The following KCNH1 variants were observed in gnomAD, a reference collection of about 807,000 sequenced individuals.
KCNH1 encodes the protein potassium voltage-gated channel subfamily H member 1, also known as voltage-gated delayed rectifier potassium channel KCNH1.
A neutral mutation model predicts 69.2 loss-of-function variants in KCNH1; 27 were observed. The observed-to-expected ratio is 0.39, with a 90% confidence interval of 0.29 to 0.54. The LOEUF (loss-of-function observed/expected upper bound fraction) is 0.54, where lower values mean the gene tolerates loss of function less well. Among genes scored for constraint, KCNH1 ranks in the 20% least tolerant of loss-of-function variants. KCNH1 has a pLI of 0.68. For missense variants in KCNH1, 798 were observed against 1,261.6 expected (o/e 0.63, Z 5.57); for synonymous variants, 456 against 487.7 (o/e 0.93, Z 0.86).
At chr1:210,746,528 A>G (rs79364117) in intron 10 of KCNH1, among the ~76,000 whole-genome samples, 1 of 151,752 alleles carries the variant, frequency 6.6e-6, no homozygotes, top group East Asian at 1.9e-4. Flanking sequence ...GGGCTGCAAT[A>G]CACAGACTAT....
chr1:210,712,522 C>T (rs1459981606), intron 10 of KCNH1, among the ~76,000 whole-genome samples: 2 of 152,166 alleles, frequency 1.3e-5, no homozygotes, highest in Admixed American at 6.5e-5. Flanking sequence ...CTTCCTGGCC[C>T]AGAATCTGTT....
intron 9 of KCNH1, among the ~76,000 whole-genome samples, chr1:210,796,620 C>A (rs1262849586): frequency 6.6e-6 from 1 of 152,170 alleles, no homozygotes; most frequent in East Asian, 1.9e-4. Context: ...TCCCTGTTAT[C>A]CATGTGAGAA....
intron 6 of KCNH1, among the ~76,000 whole-genome samples, chr1:210,956,069 T>C (rs1232292736): frequency 6.6e-6 from 1 of 152,206 alleles, no homozygotes; most frequent in African/African-American, 2.4e-5. Context: ...TATTTTGAGA[T>C]ACGTCCCATC....
intron 4 of KCNH1, among the ~76,000 whole-genome samples, chr1:211,085,300 T>C (rs577769666): frequency 6.7e-6 from 1 of 148,536 alleles, no homozygotes; most frequent in South Asian, 2.2e-4. Context: ...GCTAAAGAGG[T>C]TGGTAGGGGC....
At chr1:210,796,966 G>C (rs536709829) in intron 9 of KCNH1, among the ~76,000 whole-genome samples, 2 of 152,106 alleles carry the variant, frequency 1.3e-5, no homozygotes, top group East Asian at 3.9e-4. Flanking sequence ...AGCCTGCCAC[G>C]ATCTGCCTAG....
At chr1:211,022,655 G>C (rs554046189) in intron 5 of KCNH1, among the ~76,000 whole-genome samples, 15 of 152,184 alleles carry the variant, frequency 9.9e-5, no homozygotes, top group Non-Finnish European at 1.6e-4. Context: ...TAAAAATGAG[G>C]AAGTAATCTG....
At chr1:211,025,704 G>A (rs772403904) in intron 5 of KCNH1, among the ~76,000 whole-genome samples, 6 of 152,074 alleles carry the variant, frequency 3.9e-5, no homozygotes, top group South Asian at 2.1e-4. Context: ...ATCTAAGCCC[G>A]GGGCATAAAA....
intron 6 of KCNH1, among the ~76,000 whole-genome samples, chr1:210,955,421 T>A (rs1485892289): frequency 6.6e-6 from 1 of 152,218 alleles, no homozygotes; most frequent in African/African-American, 2.4e-5. Context: ...TAAAGTAGTT[T>A]TTTCCAATTC....
chr1:210,785,007 T>C (rs945996783), intron 9 of KCNH1, among the ~76,000 whole-genome samples: 2 of 152,038 alleles, frequency 1.3e-5, no homozygotes, highest in Admixed American at 1.3e-4. Flanking sequence ...AGAATTCCAG[T>C]GATTCAGGGG....
chr1:210,953,921 C>T (rs939785112), intron 6 of KCNH1, among the ~76,000 whole-genome samples: 3 of 152,036 alleles, frequency 2.0e-5, no homozygotes, highest in Non-Finnish European at 4.4e-5. Flanking sequence ...ATTATACTTT[C>T]GGTTCTAGGG....
At chr1:210,744,954 G>C (rs1683115322) in intron 10 of KCNH1, among the ~76,000 whole-genome samples, 1 of 152,188 alleles carries the variant, frequency 6.6e-6, no homozygotes, top group African/African-American at 2.4e-5. Context: ...TGTAATCCCA[G>C]CACTTTGGGA....
chr1:210,693,843 C>T (rs1022239330), intron 10 of KCNH1, among the ~76,000 whole-genome samples: 5 of 152,148 alleles, frequency 3.3e-5, no homozygotes, highest in African/African-American at 9.7e-5. Context: ...CCCTGGGAGA[C>T]GCATGCTAAC....
At chr1:210,955,642 G>A (rs181288808) in intron 6 of KCNH1, among the ~76,000 whole-genome samples, 13 of 152,178 alleles carry the variant, frequency 8.5e-5, no homozygotes, top group Admixed American at 1.3e-4. Flanking sequence ...GGATTCCTAG[G>A]TATTTTATTC....
rs1467357266 is a variant in KCNH1, at chr1:211,099,783, G to A, written c.310+3713C>T. Among the ~76,000 whole-genome samples, 4 of 152,110 alleles carry A rather than the reference G, an allele frequency of 2.6e-5. No homozygotes were observed. The East Asian group carries it at 5.8e-4, about 22-fold the overall frequency. On this transcript the variant is annotated intron_variant, in intron 3 of 10. Transcript: ENST00000271751. ...TAAATGATGAGTTCCTGACTGGAACGCAGGGCTTCCTACTTCCTGGGCTCT... is the reference window on the plus strand; with the variant it reads ...TAAATGATGAGTTCCTGACTGGAACACAGGGCTTCCTACTTCCTGGGCTCT...
chr1:210,953,012 T>C (rs1029710950), intron 6 of KCNH1, among the ~76,000 whole-genome samples: 1 of 152,206 alleles, frequency 6.6e-6, no homozygotes, highest in Non-Finnish European at 1.5e-5. Context: ...TTCCAACTTT[T>C]CATACTCAAT....
intron 7 of KCNH1, chr1:210,860,356 G>C: frequency 6.9e-7 from 1 of 1,443,068 alleles, no homozygotes; most frequent in Non-Finnish European, 9.7e-7. Flanking sequence ...TTGTAAAACA[G>C]TACCAATGAC....
intron 10 of KCNH1, among the ~76,000 whole-genome samples, chr1:210,727,256 G>A (rs948019372): frequency 2.2e-4 from 34 of 152,178 alleles, no homozygotes; most frequent in African/African-American, 7.7e-4. Context: ...GCAAGGCAAA[G>A]GCATATTCCC....
intron 6 of KCNH1, among the ~76,000 whole-genome samples, chr1:210,966,113 G>A (rs920750498): frequency 6.6e-6 from 1 of 152,080 alleles, no homozygotes; most frequent in South Asian, 2.1e-4. Context: ...TGACAAACCT[G>A]ACAAAAACAA....
intron 1 of KCNH1, among the ~76,000 whole-genome samples, chr1:211,117,498 G>C (rs1691602799): frequency 6.6e-6 from 1 of 152,140 alleles, no homozygotes. Context: ...CTACAGGAGA[G>C]GCCATAAGGA....
Sources: gnomAD v4.1 joint callset for allele counts (sites outside exome capture counted in the v4.1 genomes callset) on GRCh38, gnomAD v4.1.1 for gene constraint, MANE v1.5 for transcripts, NCBI Gene and HGNC (gene_info 2026-07-23, HGNC 2026-07-21) for gene names.